Variants in PPP3CC observed in about 807,000 individuals in gnomAD.
The protein encoded by PPP3CC is serine/threonine-protein phosphatase 2B catalytic subunit gamma isoform.
A neutral mutation model predicts 60.3 loss-of-function variants in PPP3CC; 35 were observed. That is an observed-to-expected ratio of 0.58 (90% CI 0.44 to 0.77). The LOEUF is 0.77. Among genes scored for constraint, PPP3CC ranks in the 30% least tolerant of loss-of-function variants. PPP3CC has a pLI of 0.00. For missense variants in PPP3CC, 570 were observed against 628.9 expected (o/e 0.91, Z 1.00); for synonymous variants, 206 against 224.3 (o/e 0.92, Z 0.73).
chr8:22,524,217 GTTTC>G, intron 8 of PPP3CC, among the ~76,000 whole-genome samples: 2 of 152,292 alleles, frequency 1.3e-5, no homozygotes, highest in Admixed American at 1.3e-4. Context: ...GTAGCTGGTG[GTTTC>G]TTAAGTCTCA....
chr8:22,494,571 C>T (rs1029758334), intron 3 of PPP3CC, among the ~76,000 whole-genome samples: 6 of 152,060 alleles, frequency 3.9e-5, no homozygotes, highest in African/African-American at 1.2e-4. Context: ...ATCATTCATG[C>T]GTTCTGTATT....
intron 1 of PPP3CC, among the ~76,000 whole-genome samples, chr8:22,472,801 G>T (rs1837769581): frequency 6.6e-6 from 1 of 152,054 alleles, no homozygotes. Context: ...TTTGTTGGGG[G>T]TTCTTTTTCT....
In PPP3CC at chr8:22,451,746, T is replaced by A. The variant is rs1040661225; in HGVS notation, c.49+10288T>A. 2.0e-5 allele frequency among the ~76,000 whole-genome samples: 3 copies of A among 152,224 alleles called. No homozygotes were observed. The East Asian group carries it at 5.8e-4, about 29-fold the overall frequency. On this transcript the variant is annotated intron_variant, in intron 1 of 13. Coordinates refer to ENST00000240139, the MANE Select transcript of PPP3CC (RefSeq NM_005605.5). ...GGTAGTGACACATTTGCTTTCTAAT[T>A]CAGTGTACGCAAATTTATTTTGTGC...
At chr8:22,486,082 G>A (rs1168562387) in intron 3 of PPP3CC, among the ~76,000 whole-genome samples, 2 of 152,164 alleles carry the variant, frequency 1.3e-5, no homozygotes, top group South Asian at 2.1e-4. Context: ...TTTTAGTTGG[G>A]TATGACAGGA....
At chr8:22,448,058 C>G (rs140868162) in intron 1 of PPP3CC, among the ~76,000 whole-genome samples, 1 of 152,164 alleles carries the variant, frequency 6.6e-6, no homozygotes, top group African/African-American at 2.4e-5. Context: ...AGAATTCATT[C>G]AGTAATTACC....
chr8:22,441,487 G>T (rs1193340358), intron 1 of PPP3CC, 29 bp downstream of exon 1: 2 of 1,517,714 alleles, frequency 1.3e-6, no homozygotes, highest in South Asian at 1.2e-5. Context: ...CTTCCTCTGG[G>T]ACCCGCGGGA....
At chr8:22,488,950 A>T (rs1485146637) in intron 3 of PPP3CC, among the ~76,000 whole-genome samples, 1 of 152,148 alleles carries the variant, frequency 6.6e-6, no homozygotes, top group African/African-American at 2.4e-5. Context: ...AGGTGCAGAG[A>T]GTGGGGCAGA....
In PPP3CC at chr8:22,442,090, T is replaced by C. The variant is rs755606506; in HGVS notation, c.49+632T>C. 2.1e-4 allele frequency among the ~76,000 whole-genome samples: 32 copies of C among 152,372 alleles called. No individual in the cohort carries two copies. The Middle Eastern group carries it at 0.017, about 81-fold the overall frequency. On this transcript the variant is annotated intron_variant, in intron 1 of 13. Coordinates refer to ENST00000240139, the MANE Select transcript of PPP3CC (RefSeq NM_005605.5). ...GATTCATATGTGTACCTGCGTTAGA[T>C]TTCTGTTGTTGTTATAAGAACAAAA...
chr8:22,505,344 T>A (rs978997446), intron 4 of PPP3CC, among the ~76,000 whole-genome samples: 6 of 152,100 alleles, frequency 3.9e-5, no homozygotes, highest in African/African-American at 1.2e-4. Context: ...ACCATTTTTT[T>A]AAATGTATAG....
At chr8:22,521,519 C>G (rs1370543284) in intron 6 of PPP3CC, among the ~76,000 whole-genome samples, 13 of 152,298 alleles carry the variant, frequency 8.5e-5, no homozygotes. Flanking sequence ...GGTTTCATAA[C>G]CACCTACCTC....
At chr8:22,512,439 C>T (rs1481937390) in intron 5 of PPP3CC, among the ~76,000 whole-genome samples, 2 of 152,080 alleles carry the variant, frequency 1.3e-5, no homozygotes, top group African/African-American at 4.8e-5. Flanking sequence ...TCAACTAAAG[C>T]AGCAGTGACT....
chr8:22,511,419 A>G lies in PPP3CC; in HGVS notation c.630+188A>G, dbSNP rs1308245872. Among the ~76,000 whole-genome samples the G allele has an allele frequency of 2.0e-5, 3 of 152,036 alleles. No individual in the cohort carries two copies. The East Asian group carries it at 5.8e-4, about 29-fold the overall frequency. The stretch of plus-strand genomic sequence containing the variant: ...CCCGAGTAGCTGGATACAGGTGCAC[A>G]CCACCACACCTGGCTAATTTTTGTA... On this transcript the variant is annotated intron_variant, in intron 5 of 13. Transcript: ENST00000240139.
At chr8:22,470,814 G>A (rs1170484687) in intron 1 of PPP3CC, among the ~76,000 whole-genome samples, 1 of 152,194 alleles carries the variant, frequency 6.6e-6, no homozygotes, top group African/African-American at 2.4e-5. Flanking sequence ...TTGATGGTGT[G>A]AGGGTAAATG....
chr8:22,466,009 C>T (rs897716109), intron 1 of PPP3CC, among the ~76,000 whole-genome samples: 18 of 152,096 alleles, frequency 1.2e-4, no homozygotes, highest in Admixed American at 4.6e-4. Context: ...TCCGACCAGC[C>T]CCAGTGTGTG....
At chr8:22,460,839 TCTTTA>T (rs1837343103) in intron 1 of PPP3CC, among the ~76,000 whole-genome samples, 2 of 151,776 alleles carry the variant, frequency 1.3e-5, no homozygotes, top group African/African-American at 2.4e-5. Context: ...AAAAAGAAAA[TCTTTA>T]CTTTATTTAT....
In PPP3CC at chr8:22,513,238, C is replaced by A. The variant is rs992030711; in HGVS notation, c.631-55C>A. 4 of 1,554,152 alleles carry A rather than the reference C, an allele frequency of 2.6e-6. No individual in the cohort carries two copies. In the East Asian group the frequency reaches 9.2e-5, roughly 36 times the overall value. On this transcript the variant is annotated intron_variant, in intron 5 of 13. Coordinates refer to ENST00000240139, the MANE Select transcript of PPP3CC (RefSeq NM_005605.5). ...TTTTTCTTTGACACATACTAGTTTC[C>A]AAGAAGCCTTTTGCTCTCCTGATTT...
chr8:22,475,729 A>G, intron 3 of PPP3CC, 105 bp downstream of exon 3: 18 of 1,131,528 alleles, frequency 1.6e-5, no homozygotes, highest in Non-Finnish European at 2.1e-5. Context: ...GGCAGAATTT[A>G]TAAACTTTGT....
intron 1 of PPP3CC, among the ~76,000 whole-genome samples, chr8:22,450,748 G>C (rs1198408617): frequency 6.6e-6 from 1 of 152,108 alleles, no homozygotes. Context: ...CTAGGCTTGT[G>C]TTCCATTTCT....
chr8:22,532,898 C>T, intron 11 of PPP3CC, 23 bp from the exon 12 acceptor site: 1 of 1,515,036 alleles, frequency 6.6e-7, no homozygotes, highest in Admixed American at 2.0e-5. Context: ...GGCATTAACC[C>T]AGGGTTTGGT....
Sources: gnomAD v4.1 joint callset for allele counts (sites outside exome capture counted in the v4.1 genomes callset) on GRCh38, gnomAD v4.1.1 for gene constraint, MANE v1.5 for transcripts, NCBI Gene and HGNC (gene_info 2026-07-23, HGNC 2026-07-21) for gene names.